SYNE2: variants seen among roughly 807,000 people sequenced by gnomAD.
The protein encoded by SYNE2 is spectrin repeat containing nuclear envelope protein 2, also known as nesprin-2.
SYNE2 carries 431 observed loss-of-function variants against 856.3 expected under a neutral mutation model. The ratio of observed to expected loss-of-function variants is 0.50; its 90% CI spans 0.47 to 0.55. The LOEUF (loss-of-function observed/expected upper bound fraction) is 0.55. Among genes scored for constraint, SYNE2 ranks in the 20% least tolerant of loss-of-function variants. The pLI is 0.00. For synonymous variants in SYNE2, 2,923 were observed against 2,872.3 expected (o/e 1.02, Z -0.56); for missense variants, 8,129 against 8,023.2 (o/e 1.01, Z -0.50).
At position 64,168,946 on chromosome 14, in the gene SYNE2, C is replaced by G; in HGVS notation, c.16975C>G (p.Leu5659Val). 1.2e-6 allele frequency: 2 copies of G among 1,613,998 alleles called. No individual in the cohort carries two copies. The highest frequency in any genetic ancestry group is 1.3e-5 in the African/African-American group (1 of 75,038). Residue 5659 changes from leucine to valine, a missense_variant, in exon 93 of 116, where the codon CTG becomes GTG. Leu to Val is a conservative substitution (Grantham distance 32, BLOSUM62 1). Transcript: ENST00000555002. ...CTATGTCACCCAGTCCTTACAACTC[C>G]TGGACACAACAGAAATAGAGAACAG... Reference protein sequence around the residue: ...DSYVTQSLQLLDTTEIENRPE... With the variant: ...DSYVTQSLQLVDTTEIENRPE...
chr14:64,146,515 C>T (rs2098188885), intron 84 of SYNE2, among the ~76,000 whole-genome samples: 1 of 152,176 alleles, frequency 6.6e-6, no homozygotes, highest in Non-Finnish European at 1.5e-5. Flanking sequence ...GATTTAAATG[C>T]TTTCCAATTT....
chr14:64,003,329 C>T lies in SYNE2; in HGVS notation c.4396C>T (p.Arg1466Trp), dbSNP rs768111227. 4.3e-6 allele frequency: 7 copies of T among 1,613,868 alleles called. No individual in the cohort carries two copies. Among genetic ancestry groups the T allele is most frequent in the Admixed American group, 3.3e-5 (2 of 59,994 alleles). ...KDPTVPAVKH[R>W]KKSLIRLDKV... ...TCCTACTGTTCCAGCTGTGAAACAT[C>T]GGTAAGTATTGTCCATCCATTTCCA... The change falls in exon 30 of 116, where the codon CGG (arginine) becomes TGG (tryptophan). Residue 1466 changes from arginine to tryptophan, a missense_variant and splice_region_variant. This residue lies in a region of SYNE2 where 2,422 missense variants were observed against 2,357.4 expected (regional missense o/e 1.03). Transcript: ENST00000555002.
chr14:63,909,358 C>T, intron 2 of SYNE2, 131 bp downstream of exon 2: 1 of 576,474 alleles, frequency 1.7e-6, no homozygotes, highest in Middle Eastern at 2.7e-4. Context: ...ACTGTAGAAA[C>T]CTTTTAATAT....
chr14:63,824,892 G>A (rs1468877694), intron 1 of SYNE2, among the ~76,000 whole-genome samples: 1 of 151,956 alleles, frequency 6.6e-6, no homozygotes, highest in Non-Finnish European at 1.5e-5. Context: ...CCAGCACTTT[G>A]GGAGGCCAAG....
chr14:64,015,867 A>G, intron 32 of SYNE2, among the ~76,000 whole-genome samples: 1 of 152,028 alleles, frequency 6.6e-6, no homozygotes, highest in South Asian at 2.1e-4. Flanking sequence ...TGTGCTATAC[A>G]AGTTTTCATG....
At chr14:63,928,503 G>C (rs1445144375) in intron 2 of SYNE2, among the ~76,000 whole-genome samples, 1 of 152,176 alleles carries the variant, frequency 6.6e-6, no homozygotes, top group Non-Finnish European at 1.5e-5. Flanking sequence ...TCTGTTTATG[G>C]TTGGTTGCAA....
rs775586439 is a variant in SYNE2, at chr14:64,030,034, T to A, written c.6854T>A (p.Val2285Asp). 4.3e-6 allele frequency: 7 copies of A among 1,613,958 alleles called. No homozygotes were observed. Among genetic ancestry groups the A allele is most frequent in the Non-Finnish European group, 5.9e-6 (7 of 1,179,956 alleles). ...FSDKPVDQIAVEEKLQKLQEL... is the reference protein window; with the variant it reads ...FSDKPVDQIADEEKLQKLQEL... ...GATAAGCCTGTGGATCAAATAGCGG[T>A]TGAGGAAAAATTGCAGAAACTGCAG... The change falls in exon 44 of 116, where the codon GTT (valine) becomes GAT (aspartate). Residue 2285 changes from valine (V) to aspartate (D), a missense_variant. Coordinates refer to ENST00000555002, the MANE Select transcript of SYNE2 (RefSeq NM_182914.3).
Position 64,110,591 on chromosome 14 carries a change from C to A in SYNE2, c.12610-2750C>A, listed in dbSNP as rs1026443113. Reference sequence around the variant, plus strand: ...TACTTATAGTAATACTTTTTACACCCCCCCCCCCCCGCCAAAGTGTACAAT... The same window carrying A: ...TACTTATAGTAATACTTTTTACACCACCCCCCCCCCGCCAAAGTGTACAAT... On this transcript the variant is annotated intron_variant, in intron 65 of 115. Transcript: ENST00000555002. Among the ~76,000 whole-genome samples, 200 of 104,316 alleles carry A rather than the reference C, an allele frequency of 1.9e-3. 5 individuals are homozygous for A. The highest frequency in any genetic ancestry group is 7.4e-3 in the Admixed American group (68 of 9,128). 68.4% of individuals were successfully genotyped at this position (104,316 alleles called of 152,430 possible).
intron 88 of SYNE2, among the ~76,000 whole-genome samples, chr14:64,163,082 G>T (rs965584759): frequency 6.6e-6 from 1 of 152,194 alleles, no homozygotes; most frequent in African/African-American, 2.4e-5. Flanking sequence ...CATGAAAGCA[G>T]ATACCTAAAC....
At chr14:63,802,986 A>C (rs1888208708) in intron 1 of SYNE2, among the ~76,000 whole-genome samples, 1 of 152,198 alleles carries the variant, frequency 6.6e-6, no homozygotes. Context: ...GCGAAAGAAC[A>C]AAACTTCCAC....
intron 30 of SYNE2, among the ~76,000 whole-genome samples, chr14:64,004,441 C>T (rs2096780228): frequency 6.6e-6 from 1 of 151,540 alleles, no homozygotes. Context: ...GGCGATTCTT[C>T]TACCTCAGCC....
rs1341737871 is a variant in SYNE2, at chr14:64,220,541, A to G, written c.19965A>G (p.Gln6655=). 6 of 1,614,068 alleles carry G rather than the reference A, an allele frequency of 3.7e-6. No individual in the cohort carries two copies. Among genetic ancestry groups the G allele is most frequent in the South Asian group, 3.3e-5 (3 of 91,052 alleles). ...AGAGCCCCGAATCCACAGAGCTCCA[A>G]AGTAGACTCCGCCAGCTGAGCCTGC... is the stretch of plus-strand genomic sequence containing the variant. The part of the protein sequence containing the change: ...QTESPESTEL[Q]SRLRQLSLLW... Residue 6655 remains glutamine, a synonymous_variant, in exon 111 of 116, where the codon CAA becomes CAG. Transcript: ENST00000555002.
chr14:63,947,530 A>G (rs1215486818), intron 6 of SYNE2, among the ~76,000 whole-genome samples: 4 of 152,144 alleles, frequency 2.6e-5, no homozygotes, highest in African/African-American at 9.7e-5. Context: ...AGTTGACTCA[A>G]TAGTTTATTG....
chr14:64,075,762 A>G lies in SYNE2; in HGVS notation c.10867-183A>G, dbSNP rs2097453493. The stretch of plus-strand genomic sequence containing the variant: ...ATCAAGTTTAATTCTTACAAATTAG[A>G]AAGCATCATCTGACTAAACTGAGTG... On this transcript the variant is annotated intron_variant, in intron 53 of 115. Coordinates refer to ENST00000555002, the MANE Select transcript of SYNE2 (RefSeq NM_182914.3). 3 of 605,192 alleles carry G rather than the reference A, an allele frequency of 5.0e-6. No individual in the cohort carries two copies. The East Asian group carries it at 8.7e-5, about 18-fold the overall frequency. 37.5% of individuals were successfully genotyped at this position (605,192 alleles called of 1,614,324 possible).
chr14:64,098,719 G>A (rs765364974), intron 62 of SYNE2, 28 bp from the exon 63 acceptor site: 1 of 1,611,450 alleles, frequency 6.2e-7, no homozygotes, highest in Non-Finnish European at 8.5e-7. Flanking sequence ...CAAGCAGACT[G>A]CAGGTATTCT....
intron 106 of SYNE2, 29 bp from the exon 107 acceptor site, chr14:64,215,257 G>A (rs1384831723): frequency 1.2e-6 from 2 of 1,609,950 alleles, no homozygotes; most frequent in African/African-American, 1.3e-5. Context: ...GGCACCTCCA[G>A]TGAGGCAAAT....
chr14:64,053,491 A>C lies in SYNE2; in HGVS notation c.9578A>C (p.Glu3193Ala). Residue 3193 changes from glutamate (E) to alanine (A), a missense_variant, in exon 48 of 116, where the codon GAA becomes GCA. Around this residue, in one of 3 missense-constraint regions of SYNE2, gnomAD observed 5,410 missense variants for 5,284.8 expected, o/e 1.02. Transcript: ENST00000555002. ...KHIQNEKDNC[E>A]AFQEQVWAEM... is the part of the protein sequence containing the mutation. ...ATTCAAAATGAAAAGGACAATTGTG[A>C]AGCATTTCAGGAGCAAGTTTGGGCA... is the stretch of plus-strand genomic sequence containing the variant. 6.2e-7 allele frequency: 1 copy of C among 1,614,240 alleles called. No homozygotes were observed. The highest frequency in any genetic ancestry group is 8.5e-7 in the Non-Finnish European group (1 of 1,180,034).
chr14:64,084,371 C>T (rs1364986508), intron 57 of SYNE2: 1 of 152,300 alleles, frequency 6.6e-6, no homozygotes, highest in Non-Finnish European at 1.5e-5. Context: ...CTCCATCTCC[C>T]AAGACGTTTC....
rs1248584588 is a variant in SYNE2 at position 63,997,530 on chromosome 14, T to G, written c.3243+139T>G. The G allele has an allele frequency of 4.7e-5, 36 of 766,834 alleles. No homozygotes were observed. In the Admixed American group the frequency reaches 7.5e-4, roughly 16 times the overall value. 47.5% of individuals were successfully genotyped at this position (766,834 alleles called of 1,614,324 possible). ...CAATGGAGAATTTCCACTTACACAA[T>G]GCAAAAGACTGATTTTCAAAGGAGA... is the stretch of plus-strand genomic sequence containing the variant. On this transcript the variant is annotated intron_variant, in intron 25 of 115. Coordinates refer to ENST00000555002, the MANE Select transcript of SYNE2 (RefSeq NM_182914.3).
Sources: allele counts gnomAD v4.1 joint callset (sites outside exome capture counted in the v4.1 genomes callset), GRCh38; gene constraint gnomAD v4.1.1; regional missense constraint gnomAD v4.1.1; transcripts MANE v1.5; gene names NCBI Gene and HGNC (gene_info 2026-07-23, HGNC 2026-07-21).